CHD1L: variants seen among roughly 807,000 people sequenced by gnomAD.
The protein encoded by CHD1L is ATP-dependent chromatin remodeler CHD1L.
In CHD1L, 118 loss-of-function variants were observed where a neutral mutation model predicts 115.9. That is an observed-to-expected ratio of 1.02 (90% CI 0.88 to 1.19). The LOEUF is 1.19. Ranked by LOEUF, CHD1L falls within the 50% of genes most tolerant of loss-of-function variation. The pLI is 0.00. For missense variants in CHD1L, 1,179 were observed against 1,065.3 expected (o/e 1.11, Z -1.49); for synonymous variants, 411 against 387.1 (o/e 1.06, Z -0.72).
At chr1:147,191,814 T>C in the CHD1L span, among the ~76,000 whole-genome samples, 16 of 152,256 alleles carry the variant, frequency 1.1e-4, no homozygotes, top group East Asian at 3.1e-3. Context: ...AAAGATCAGA[T>C]GGTTGTAGAC....
chr1:147,214,567 C>T, the CHD1L span, among the ~76,000 whole-genome samples: 13 of 152,118 alleles, frequency 8.5e-5, no homozygotes, highest in African/African-American at 2.4e-4. Flanking sequence ...GTGCCTCTGC[C>T]GAGATCACCC....
chr1:147,262,834 A>G (rs1672444829), intron 6 of CHD1L, among the ~76,000 whole-genome samples: 1 of 152,102 alleles, frequency 6.6e-6, no homozygotes, highest in Non-Finnish European at 1.5e-5. Context: ...CCTCCAAATC[A>G]AAATATAGAA....
intron 15 of CHD1L, among the ~76,000 whole-genome samples, chr1:147,282,591 C>CT (rs141745512): frequency 6.6e-6 from 1 of 152,086 alleles, no homozygotes; most frequent in Non-Finnish European, 1.5e-5. Flanking sequence ...CCTCATAGAT[C>CT]TTTTTTAAAA....
At chr1:147,234,139 G>A in the CHD1L span, among the ~76,000 whole-genome samples, 1 of 152,170 alleles carries the variant, frequency 6.6e-6, no homozygotes, top group African/African-American at 2.4e-5. Context: ...TGTAGATCAT[G>A]AGCCTGCTCT....
At chr1:147,228,772 AT>A in the CHD1L span, among the ~76,000 whole-genome samples, 4 of 151,796 alleles carry the variant, frequency 2.6e-5, no homozygotes, top group Non-Finnish European at 5.9e-5. Flanking sequence ...GATGATGAGC[AT>A]TTTTTCATGT....
At chr1:147,264,345 G>T in intron 6 of CHD1L, 77 bp from the exon 7 acceptor site, 1 of 1,301,190 alleles carries the variant, frequency 7.7e-7, no homozygotes, top group Non-Finnish European at 1.1e-6. Context: ...CTCTGTGTGG[G>T]TAAAGGTTGT....
Position 147,285,491 on chromosome 1 carries a change from T to G in CHD1L, c.2018+4T>G. 2 of 1,608,456 alleles carry G rather than the reference T, an allele frequency of 1.2e-6. No individual in the cohort carries two copies. The highest frequency in any genetic ancestry group is 1.7e-6 in the Non-Finnish European group (2 of 1,178,444). On this transcript the variant is annotated splice_donor_region_variant and intron_variant, in intron 17 of 22. Coordinates refer to ENST00000369258, the MANE Select transcript of CHD1L (RefSeq NM_004284.6). ...AAGAGGCTGAACATAAGAAAAAGTA[T>G]GTCTGCGTTAACCAAGCTGGCGGCC...
chr1:147,194,194 C>T, the CHD1L span, among the ~76,000 whole-genome samples: 335 of 152,204 alleles, frequency 2.2e-3, no homozygotes, highest in Non-Finnish European at 3.9e-3. Context: ...GGTGCTCCTG[C>T]ATTGGGTGCA....
At position 147,284,586 on chromosome 1, in the gene CHD1L, C is replaced by G. The variant is rs587764554; in HGVS notation, c.1854+87C>G. ...AAAATGATGCTGGCATCGTTTTGTT[C>G]TCTTAGGATGATTTGTCAAGAAATA... On this transcript the variant is annotated intron_variant, in intron 16 of 22. Transcript: ENST00000369258. 3.2e-5 allele frequency: 38 copies of G among 1,183,398 alleles called. No homozygotes were observed. In the Middle Eastern group the frequency reaches 1.7e-3, roughly 52 times the overall value. 73.3% of individuals were successfully genotyped at this position (1,183,398 alleles called of 1,614,324 possible).
chr1:147,271,237 A>G (rs2102662187), intron 11 of CHD1L: 1 of 376,760 alleles, frequency 2.7e-6, no homozygotes. Context: ...CATCAGTTAC[A>G]TGATTTAAAA....
the CHD1L span, chr1:147,178,452 T>C: frequency 1.9e-6 from 3 of 1,611,686 alleles, no homozygotes; most frequent in South Asian, 3.3e-5. Context: ...AAGAAGCAGG[T>C]GCTTATGATG....
At chr1:147,232,417 G>A in the CHD1L span, among the ~76,000 whole-genome samples, 605 of 152,156 alleles carry the variant, frequency 4.0e-3, 9 homozygotes, top group African/African-American at 0.014. Context: ...CTCCTAGAGC[G>A]GTTGTATTCC....
At chr1:147,286,661 A>T (rs1683255146) in intron 18 of CHD1L, among the ~76,000 whole-genome samples, 161 bp downstream of exon 18, 1 of 151,770 alleles carries the variant, frequency 6.6e-6, no homozygotes, top group South Asian at 2.1e-4. Context: ...GAATCATTTC[A>T]CTCTTGGCTT....
intron 12 of CHD1L, among the ~76,000 whole-genome samples, chr1:147,272,804 G>A (rs587675172): frequency 1.3e-5 from 2 of 150,876 alleles, no homozygotes; most frequent in Non-Finnish European, 2.9e-5. Flanking sequence ...TACGACATTT[G>A]TAATGCTTTA....
chr1:147,290,297 C>G (rs896429135), intron 19 of CHD1L, among the ~76,000 whole-genome samples: 2 of 152,102 alleles, frequency 1.3e-5, no homozygotes, highest in Admixed American at 6.5e-5. Context: ...GTTGCCCAGG[C>G]TGGCCTCAAA....
chr1:147,287,562 G>A, intron 18 of CHD1L, 73 bp from the exon 19 acceptor site: 3 of 1,017,830 alleles, frequency 2.9e-6, no homozygotes, highest in African/African-American at 1.6e-5. Context: ...TCCCTTTTGT[G>A]TGCCTTTGTT....
rs782730027 is a variant in CHD1L, at chr1:147,255,923, A to G, written c.458A>G (p.Tyr153Cys). 9 of 1,604,180 alleles carry G rather than the reference A, an allele frequency of 5.6e-6. No homozygotes were observed. The highest frequency in any genetic ancestry group is 7.7e-6 in the Non-Finnish European group (9 of 1,171,720). Reference protein sequence around the residue: ...ESRFHVLLTTYEICLKDASFL... With the variant: ...ESRFHVLLTTCEICLKDASFL... ...CGTTTTCATGTGCTACTGACTACCT[A>G]TGAGGTATTCATTCGTTTCTCTATA... Residue 153 changes from tyrosine to cysteine, a missense_variant, in exon 4 of 23, where the codon TAT becomes TGT. Transcript: ENST00000369258.
At chr1:147,275,215 G>T (rs1173977424) in intron 12 of CHD1L, 139 bp from the exon 13 acceptor site, 2 of 684,200 alleles carry the variant, frequency 2.9e-6, no homozygotes, top group Non-Finnish European at 5.3e-6. Flanking sequence ...GGAGTTAGGG[G>T]TGTGGGTCCA....
intron 7 of CHD1L, among the ~76,000 whole-genome samples, chr1:147,265,435 A>C (rs1347599715): frequency 2.0e-5 from 3 of 152,220 alleles, no homozygotes; most frequent in African/African-American, 7.2e-5. Context: ...TCCTACAGGT[A>C]GTATAATTCT....
Sources: allele counts gnomAD v4.1 joint callset (sites outside exome capture counted in the v4.1 genomes callset), GRCh38; gene constraint gnomAD v4.1.1; transcripts MANE v1.5; gene names NCBI Gene and HGNC (gene_info 2026-07-23, HGNC 2026-07-21).